The following GRAMD2B variants were observed in gnomAD, a reference collection of about 807,000 sequenced individuals.
GRAMD2B encodes GRAM domain containing 2B.
Under a neutral mutation model 59.2 loss-of-function variants are expected in GRAMD2B, and 41 were observed. The ratio of observed to expected loss-of-function variants is 0.69; its 90% CI spans 0.54 to 0.90. GRAMD2B has a LOEUF of 0.90. GRAMD2B is among the 40% of genes least tolerant of loss of function. The probability of loss-of-function intolerance (pLI) is 0.00; values close to 1 mark genes in which losing one functional copy is unlikely to be tolerated. For synonymous variants in GRAMD2B, 161 were observed against 182.7 expected (o/e 0.88, Z 0.96); for missense variants, 424 against 500.5 (o/e 0.85, Z 1.46).
intron 1 of GRAMD2B, among the ~76,000 whole-genome samples, chr5:126,434,603 C>T (rs949697822): frequency 1.3e-4 from 20 of 151,942 alleles, no homozygotes; most frequent in African/African-American, 2.9e-4. Flanking sequence ...CTGCAAGCTC[C>T]GCCTCCCGGG....
chr5:126,393,916 T>G (rs1435291691), intron 1 of GRAMD2B, among the ~76,000 whole-genome samples: 1 of 152,116 alleles, frequency 6.6e-6, no homozygotes, highest in Admixed American at 6.5e-5. Context: ...CTATCTGGTA[T>G]GTGCTCAGAA....
At chr5:126,475,547 T>A (rs956844175) in intron 5 of GRAMD2B, among the ~76,000 whole-genome samples, 3 of 152,254 alleles carry the variant, frequency 2.0e-5, no homozygotes, top group African/African-American at 7.2e-5. Context: ...GGCAAACAGT[T>A]TTTAGAAAAT....
chr5:126,417,902 CTG>C (rs201735380), intron 1 of GRAMD2B, among the ~76,000 whole-genome samples: 6,430 of 152,268 alleles, frequency 0.042, 221 homozygotes, highest in South Asian at 0.14. Flanking sequence ...CATGAGACGA[CTG>C]TAATTTTGGC....
chr5:126,441,299 A>G (rs1371483875), intron 1 of GRAMD2B, among the ~76,000 whole-genome samples: 3 of 152,210 alleles, frequency 2.0e-5, no homozygotes, highest in Non-Finnish European at 4.4e-5. Context: ...ATTGTCCCTC[A>G]AATTAAGTCT....
At chr5:126,462,492 C>T in intron 1 of GRAMD2B, 1 of 975,076 alleles carries the variant, frequency 1.0e-6, no homozygotes, top group South Asian at 4.8e-5. Flanking sequence ...AATTAACTTG[C>T]TTGAGCCTGT....
At chr5:126,473,242 T>C in intron 4 of GRAMD2B, 23 bp from the exon 5 acceptor site, 1 of 859,646 alleles carries the variant, frequency 1.2e-6, no homozygotes, top group Non-Finnish European at 1.7e-6. Context: ...TAAATGATGC[T>C]GTGCCTGTGT....
At chr5:126,377,616 T>C (rs1395945892) in intron 1 of GRAMD2B, among the ~76,000 whole-genome samples, 7 of 152,228 alleles carry the variant, frequency 4.6e-5, no homozygotes, top group Admixed American at 4.6e-4. Context: ...ACATTTAGTT[T>C]GGTATTTGTG....
intron 2 of GRAMD2B, among the ~76,000 whole-genome samples, chr5:126,469,053 T>C (rs73338032): frequency 0.058 from 8,844 of 152,254 alleles, 846 homozygotes; most frequent in African/African-American, 0.2. Flanking sequence ...AGCTGCAATA[T>C]TATTTAGTAA....
upstream of GRAMD2B, among the ~76,000 whole-genome samples, chr5:126,366,500 T>G (rs1288067713): frequency 1.3e-5 from 2 of 152,246 alleles, no homozygotes; most frequent in Non-Finnish European, 2.9e-5. Context: ...CAGTAGTATT[T>G]TCTGAATGCT....
At chr5:126,441,413 G>T (rs1763273843) in intron 1 of GRAMD2B, among the ~76,000 whole-genome samples, 1 of 152,220 alleles carries the variant, frequency 6.6e-6, no homozygotes, top group Non-Finnish European at 1.5e-5. Flanking sequence ...GAGGAAAGCA[G>T]GCTGTTTGCA....
chr5:126,421,014 G>A (rs920993706), upstream of GRAMD2B, among the ~76,000 whole-genome samples: 1 of 152,174 alleles, frequency 6.6e-6, no homozygotes, highest in East Asian at 1.9e-4. Flanking sequence ...TTCCACTAAT[G>A]TGAGGTACCT....
chr5:126,387,160 T>C (rs1379909747), intron 1 of GRAMD2B, among the ~76,000 whole-genome samples: 1 of 152,052 alleles, frequency 6.6e-6, no homozygotes, highest in Non-Finnish European at 1.5e-5. Flanking sequence ...AGTCCATATT[T>C]TGATGACCTT....
chr5:126,416,516 C>T (rs1189629204), intron 1 of GRAMD2B, among the ~76,000 whole-genome samples: 2 of 152,136 alleles, frequency 1.3e-5, no homozygotes, highest in Admixed American at 6.5e-5. Context: ...AACACAGGAA[C>T]GAACATGACC....
At chr5:126,395,683 C>G (rs1025008077) in intron 1 of GRAMD2B, among the ~76,000 whole-genome samples, 19 of 152,074 alleles carry the variant, frequency 1.2e-4, no homozygotes, top group African/African-American at 1.2e-4. Flanking sequence ...AGAAAAAGAA[C>G]AAACGTCGGG....
chr5:126,469,650 T>G, intron 2 of GRAMD2B, 27 bp from the exon 3 acceptor site: 1 of 1,499,928 alleles, frequency 6.7e-7, no homozygotes, highest in Middle Eastern at 1.8e-4. Flanking sequence ...AATTATCTTA[T>G]AGACACCCTG....
At chr5:126,488,771 A>G in intron 12 of GRAMD2B, 28 bp from the exon 13 acceptor site, 1 of 1,504,536 alleles carries the variant, frequency 6.6e-7, no homozygotes, top group Non-Finnish European at 9.2e-7. Context: ...ATCCCTGCCC[A>G]TAATAATTTT....
intron 6 of GRAMD2B, among the ~76,000 whole-genome samples, chr5:126,479,373 G>A (rs759101632): frequency 2.6e-5 from 4 of 152,056 alleles, no homozygotes; most frequent in Non-Finnish European, 5.9e-5. Flanking sequence ...TAGAAAACTT[G>A]TAGAGAGGAG....
chr5:126,489,101 A>G (rs1773481769), intron 13 of GRAMD2B, among the ~76,000 whole-genome samples: 1 of 152,214 alleles, frequency 6.6e-6, no homozygotes, highest in South Asian at 2.1e-4. Flanking sequence ...TTTCCTTGAA[A>G]TACATAGTCT....
At chr5:126,372,122 CA>C (rs1201096533) in intron 1 of GRAMD2B, among the ~76,000 whole-genome samples, 1 of 152,162 alleles carries the variant, frequency 6.6e-6, no homozygotes, top group East Asian at 1.9e-4. Context: ...GTATCCAAAT[CA>C]GCACATTAAT....
Sources: gnomAD v4.1 joint callset for allele counts (sites outside exome capture counted in the v4.1 genomes callset) on GRCh38, gnomAD v4.1.1 for gene constraint, MANE v1.5 for transcripts, NCBI Gene and HGNC (gene_info 2026-07-23, HGNC 2026-07-21) for gene names.